HEXIM2: variants seen among roughly 807,000 people sequenced by gnomAD.
HEXIM2 encodes HEXIM P-TEFb complex subunit 2.
For synonymous variants in HEXIM2, 159 were observed against 162.7 expected, an observed-to-expected ratio of 0.98 and a Z score of 0.17; for missense variants, 413 against 390.8, an observed-to-expected ratio of 1.06 and a Z score of -0.48.
chr17:45,165,039 C>A (rs1428921970), intron 3 of HEXIM2, among the ~76,000 whole-genome samples: 1 of 152,074 alleles, frequency 6.6e-6, no homozygotes, highest in African/African-American at 2.4e-5. Context: ...GCTGGGCTCG[C>A]TTGGGTGAGG....
In HEXIM2 at chr17:45,169,365, C is replaced by T. The variant is rs760380482; in HGVS notation, c.417C>T (p.Ala139=). 6 of 1,613,896 alleles carry T rather than the reference C, an allele frequency of 3.7e-6. No homozygotes were observed. In the East Asian group the frequency reaches 1.1e-4, roughly 30 times the overall value. The change falls in exon 4 of 4, where the codon GCC becomes GCT. Residue 139 remains alanine, a synonymous_variant. Transcript: ENST00000589230. ...TGTTCGCCAAAGGCCAGCCCGTGGCCCCCTACAACACCACCCAGTTCCTGA... is the reference window on the plus strand; with the variant it reads ...TGTTCGCCAAAGGCCAGCCCGTGGCTCCCTACAACACCACCCAGTTCCTGA... ...EEMFAKGQPV[A]PYNTTQFLMN... is the part of the protein sequence containing the mutation.
chr17:45,161,047 C>T, upstream of HEXIM2: 1 of 962,024 alleles, frequency 1.0e-6, no homozygotes, highest in Non-Finnish European at 1.4e-6. Context: ...CGGCGCCAGC[C>T]TCTGGAATCT....
intron 3 of HEXIM2, among the ~76,000 whole-genome samples, chr17:45,164,927 A>C (rs1022061659): frequency 4.6e-5 from 7 of 152,158 alleles, no homozygotes; most frequent in African/African-American, 1.7e-4. Context: ...ATGACATGTC[A>C]GGGCTACAAT....
Position 45,169,533 on chromosome 17 carries a change from G to T in HEXIM2, c.585G>T (p.Glu195Asp). 6.3e-7 allele frequency: 1 copy of T among 1,587,542 alleles called. No individual in the cohort carries two copies. ...HGEFQRKDFS[E>D]TYERFHTESL... ...AGTTCCAGCGGAAGGACTTCTCTGA[G>T]ACTTACGAACGCTTCCACACCGAGA... The change falls in exon 4 of 4, where the codon GAG (glutamate) becomes GAT (aspartate). Residue 195 changes from glutamate (E) to aspartate (D), a missense_variant. Transcript: ENST00000589230.
upstream of HEXIM2, chr17:45,161,141 G>A (rs904045027): frequency 2.8e-5 from 11 of 395,012 alleles, no homozygotes; most frequent in East Asian, 3.6e-4. Context: ...TGGGGGTGGG[G>A]AGGGAAGCTG....
rs1013228822 is a variant in HEXIM2 at position 45,162,638 on chromosome 17, A to G, written c.-45+3A>G. ...GGGGCCTGCATTTGAGAATAAGGGT[A>G]TGAAGGGCTGGGGTACAAAATGGCT... On this transcript the variant is annotated splice_donor_region_variant and intron_variant, in intron 2 of 3. Coordinates refer to ENST00000589230, the MANE Select transcript of HEXIM2 (RefSeq NM_001303441.2). 2.0e-6 allele frequency: 3 copies of G among 1,506,158 alleles called. No homozygotes were observed. The highest frequency in any genetic ancestry group is 2.8e-5 in the African/African-American group (2 of 72,338). The allele number at this position is 1,506,158 out of a possible 1,614,324, so 93.3% of individuals were successfully genotyped here. A position where few individuals can be genotyped will look rare whatever the true frequency, so the allele number is the denominator to read the frequency against.
chr17:45,168,020 A>G (rs1214689738), intron 3 of HEXIM2, among the ~76,000 whole-genome samples: 1 of 151,574 alleles, frequency 6.6e-6, no homozygotes, highest in Non-Finnish European at 1.5e-5. Flanking sequence ...CATAGCTGGG[A>G]TCACAGGCAC....
chr17:45,167,022 C>T (rs36160143), intron 3 of HEXIM2, among the ~76,000 whole-genome samples: 15,692 of 62,006 alleles, frequency 0.25, 1,530 homozygotes, highest in East Asian at 0.32. Context: ...AAGACTCTGT[C>T]TCAAAAAAAA....
intron 3 of HEXIM2, 95 bp from the exon 4 acceptor site, chr17:45,168,920 T>C: frequency 1.7e-6 from 2 of 1,193,844 alleles, no homozygotes; most frequent in Non-Finnish European, 2.4e-6. Context: ...TAGCTGAGTG[T>C]AGGAAGGTAG....
At position 45,169,234 on chromosome 17, in the gene HEXIM2, T is replaced by C. The variant is rs75548629; in HGVS notation, c.286T>C (p.Ser96Pro). Residue 96 changes from serine (S) to proline (P), a missense_variant, in exon 4 of 4, where the codon TCG becomes CCG. By Grantham distance (74) the Ser-to-Pro change is moderately conservative (BLOSUM62 -1). Coordinates refer to ENST00000589230, the MANE Select transcript of HEXIM2 (RefSeq NM_001303441.2). Reference protein sequence around the residue: ...LARKKHRRRPSKRKRHWRPYL... With the variant: ...LARKKHRRRPPKRKRHWRPYL... Reference sequence around the variant, plus strand: ...CCGGAAGAAACACCGTCGGCGGCCATCGAAGCGCAAAAGGCACTGGCGACC... The same window carrying C: ...CCGGAAGAAACACCGTCGGCGGCCACCGAAGCGCAAAAGGCACTGGCGACC... 8.7e-4 allele frequency: 1,407 copies of C among 1,613,538 alleles called. 17 individuals carry two copies. The African/African-American group carries it at 0.017, about 20-fold the overall frequency.
In HEXIM2 at chr17:45,169,863, C is replaced by T; in HGVS notation, c.*54C>T. 1 of 1,393,744 alleles carries T rather than the reference C, an allele frequency of 7.2e-7. No individual in the cohort carries two copies. The highest frequency in any genetic ancestry group is 9.4e-7 in the Non-Finnish European group (1 of 1,069,432). The allele number at this position is 1,393,744 out of a possible 1,614,324, so 86.3% of individuals were successfully genotyped here. ...GAGAAGGTCCCATTTCGTGCACACTCAGGCCAGCTGGGTCTCAAGGAGGCA... is the reference window on the plus strand; with the variant it reads ...GAGAAGGTCCCATTTCGTGCACACTTAGGCCAGCTGGGTCTCAAGGAGGCA... On this transcript the variant is annotated 3_prime_UTR_variant, in exon 4 of 4. Transcript: ENST00000589230.
At chr17:45,168,645 G>T (rs1406958787) in intron 3 of HEXIM2, among the ~76,000 whole-genome samples, 1 of 152,048 alleles carries the variant, frequency 6.6e-6, no homozygotes, top group African/African-American at 2.4e-5. Context: ...GGTGCCATTT[G>T]GGCTTCTGAT....
In HEXIM2 at chr17:45,169,835, A is replaced by G. The variant is rs891865919; in HGVS notation, c.*26A>G. On this transcript the variant is annotated 3_prime_UTR_variant, in exon 4 of 4. Coordinates refer to ENST00000589230, the MANE Select transcript of HEXIM2 (RefSeq NM_001303441.2). ...GGGTGCCTCCCAGCCTGGTGGACCC[A>G]AGGAGAAGGTCCCATTTCGTGCACA... 22 of 1,424,158 alleles carry G rather than the reference A, an allele frequency of 1.5e-5. No homozygotes were observed. The highest frequency in any genetic ancestry group is 2.0e-5 in the Non-Finnish European group (22 of 1,092,130). 88.2% of individuals were successfully genotyped at this position (1,424,158 alleles called of 1,614,324 possible). A position where few individuals can be genotyped will look rare whatever the true frequency, so the allele number is the denominator to read the frequency against.
chr17:45,164,198 G>A (rs1323972834), intron 3 of HEXIM2, among the ~76,000 whole-genome samples: 2 of 151,556 alleles, frequency 1.3e-5, no homozygotes, highest in Non-Finnish European at 2.9e-5. Flanking sequence ...GCTCACGCCT[G>A]TAATCCCAGC....
intron 3 of HEXIM2, among the ~76,000 whole-genome samples, chr17:45,163,512 A>G (rs2042760779): frequency 6.6e-6 from 1 of 152,122 alleles, no homozygotes; most frequent in African/African-American, 2.4e-5. Context: ...TCAAGTCCAA[A>G]GAGGGCATGG....
upstream of HEXIM2, chr17:45,160,739 G>A (rs2042661903): frequency 1.7e-5 from 7 of 416,434 alleles, no homozygotes; most frequent in South Asian, 8.6e-5. Context: ...CGACATGCTA[G>A]GTCAGGTTGT....
Position 45,169,725 on chromosome 17 carries a change from C to G in HEXIM2, c.777C>G (p.Leu259=), listed in dbSNP as rs1176747889. Residue 259 remains leucine, a synonymous_variant, in exon 4 of 4, where the codon CTC becomes CTG. Coordinates refer to ENST00000589230, the MANE Select transcript of HEXIM2 (RefSeq NM_001303441.2). ...VEELAAEVQR[L]RTENQRLRQE... ...AGCTGGCTGCCGAGGTCCAGAGGCT[C>G]CGGACCGAAAACCAGCGGCTTCGTC... The G allele has an allele frequency of 6.0e-6, 9 of 1,508,154 alleles. No individual in the cohort carries two copies. The highest frequency in any genetic ancestry group is 8.0e-6 in the Non-Finnish European group (9 of 1,126,170). The allele number at this position is 1,508,154 out of a possible 1,614,324, so 93.4% of individuals were successfully genotyped here. A position where few individuals can be genotyped will look rare whatever the true frequency, so the allele number is the denominator to read the frequency against.
At chr17:45,160,977 A>C, upstream of HEXIM2, 1 of 1,287,808 alleles carries the variant, frequency 7.8e-7, no homozygotes, top group Non-Finnish European at 1.0e-6. Flanking sequence ...CCGCTCTCGG[A>C]GCCTCCAGCT....
At chr17:45,166,992 T>G (rs2042863669) in intron 3 of HEXIM2, among the ~76,000 whole-genome samples, 1 of 121,160 alleles carries the variant, frequency 8.3e-6, no homozygotes. Flanking sequence ...GCCACTGCAC[T>G]CCAGCCTGGG....
Sources: allele counts gnomAD v4.1 joint callset (sites outside exome capture counted in the v4.1 genomes callset), GRCh38; gene constraint gnomAD v4.1.1; transcripts MANE v1.5; gene names NCBI Gene and HGNC (gene_info 2026-07-23, HGNC 2026-07-21).